Variants in RAB3GAP2 observed in about 807,000 individuals in gnomAD.
The protein encoded by RAB3GAP2 is RAB3 GTPase activating non-catalytic protein subunit 2.
A neutral mutation model predicts 185.3 loss-of-function variants in RAB3GAP2; 87 were observed. That is an observed-to-expected ratio of 0.47 (90% CI 0.39 to 0.56). The LOEUF (loss-of-function observed/expected upper bound fraction) is 0.56, where lower values mean the gene tolerates loss of function less well. Ranked by LOEUF, RAB3GAP2 falls within the 20% of genes least tolerant of loss-of-function variation. The probability of loss-of-function intolerance (pLI) is 0.00; values close to 1 mark genes in which losing one functional copy is unlikely to be tolerated. For missense variants in RAB3GAP2, 1,492 were observed against 1,638.2 expected, an observed-to-expected ratio of 0.91 and a Z score of 1.54; for synonymous variants, 554 against 576.1, an observed-to-expected ratio of 0.96 and a Z score of 0.55.
intron 1 of RAB3GAP2, among the ~76,000 whole-genome samples, chr1:220,258,552 ACT>A: frequency 6.6e-6 from 1 of 152,298 alleles, no homozygotes; most frequent in East Asian, 1.9e-4. Flanking sequence ...CATGTTAAAA[ACT>A]CTCAATAAAC....
At chr1:220,152,602 T>C (rs1382583904) in intron 33 of RAB3GAP2, among the ~76,000 whole-genome samples, 1 of 152,248 alleles carries the variant, frequency 6.6e-6, no homozygotes, top group Non-Finnish European at 1.5e-5. Flanking sequence ...AGTTTCTGAG[T>C]AGCTGGCTGC....
intron 2 of RAB3GAP2, among the ~76,000 whole-genome samples, chr1:220,225,720 C>G (rs915147457): frequency 6.6e-6 from 1 of 152,188 alleles, no homozygotes; most frequent in African/African-American, 2.4e-5. Context: ...TAATAAGAAA[C>G]AGCCTAATGA....
At chr1:220,242,650 A>G (rs539362488) in intron 1 of RAB3GAP2, among the ~76,000 whole-genome samples, 9 of 152,314 alleles carry the variant, frequency 5.9e-5, no homozygotes, top group African/African-American at 2.2e-4. Flanking sequence ...AGTTATAAGC[A>G]CTTCCTTGTA....
chr1:220,256,670 T>C (rs537103448), intron 1 of RAB3GAP2, among the ~76,000 whole-genome samples: 1 of 152,320 alleles, frequency 6.6e-6, no homozygotes, highest in Non-Finnish European at 1.5e-5. Flanking sequence ...CATTACATAA[T>C]GGTAAAGGGT....
At chr1:220,170,870 G>A (rs375771918) in intron 24 of RAB3GAP2, 22 bp downstream of exon 24, 114 of 1,578,040 alleles carry the variant, frequency 7.2e-5, no homozygotes, top group Non-Finnish European at 9.6e-6. Context: ...GGATGCAAAT[G>A]CTCAAATAAA....
chr1:220,162,374 T>C, intron 27 of RAB3GAP2, 106 bp from the exon 28 acceptor site: 1 of 747,506 alleles, frequency 1.3e-6, no homozygotes, highest in South Asian at 1.7e-5. Flanking sequence ...ACTATTTTGA[T>C]TTCATTTTTT....
intron 18 of RAB3GAP2, 95 bp from the exon 19 acceptor site, chr1:220,184,258 C>T (rs1006561657): frequency 2.5e-6 from 3 of 1,189,954 alleles, no homozygotes; most frequent in Non-Finnish European, 2.5e-6. Context: ...TTATGTAATT[C>T]CCTGATGCTC....
chr1:220,267,522 G>C (rs1660250709), intron 1 of RAB3GAP2: 1 of 1,397,934 alleles, frequency 7.2e-7, no homozygotes, highest in Admixed American at 1.7e-5. Flanking sequence ...CAATTTCAAG[G>C]TCTTCCAAAG....
intron 20 of RAB3GAP2, 155 bp downstream of exon 20, chr1:220,182,563 C>T (rs756087613): frequency 2.0e-5 from 25 of 1,219,738 alleles, no homozygotes; most frequent in Non-Finnish European, 2.7e-5. Context: ...AACCTGTTGA[C>T]CAGAGTATCT....
At chr1:220,164,618 T>G in intron 27 of RAB3GAP2, 115 bp downstream of exon 27, 2 of 1,436,896 alleles carry the variant, frequency 1.4e-6, no homozygotes, top group South Asian at 2.5e-5. Context: ...TATGTTAGGC[T>G]GCAGGATAAT....
Position 220,153,230 on chromosome 1 carries a change from A to G in RAB3GAP2, c.3822T>C (p.Tyr1274=). The G allele has an allele frequency of 1.2e-6, 2 of 1,614,136 alleles. No homozygotes were observed. The highest frequency in any genetic ancestry group is 8.5e-7 in the Non-Finnish European group (1 of 1,179,970). ...CTCCATAGTTGTATAGTTCCCCCACATAATGCCTTCTAACAACATCTTCAC... is the reference window on the plus strand; with the variant it reads ...CTCCATAGTTGTATAGTTCCCCCACGTAATGCCTTCTAACAACATCTTCAC... ...QVSEDVVRRH[Y]VGELYNYGVD... The change falls in exon 33 of 35, where the codon TAT becomes TAC. Residue 1274 remains tyrosine, a synonymous_variant. Coordinates refer to ENST00000358951, the MANE Select transcript of RAB3GAP2 (RefSeq NM_012414.4).
chr1:220,165,425 T>C (rs1461824851), intron 26 of RAB3GAP2, among the ~76,000 whole-genome samples: 3 of 152,088 alleles, frequency 2.0e-5, no homozygotes, highest in Non-Finnish European at 2.9e-5. Flanking sequence ...GAAGTTTACA[T>C]ATTAAAACTC....
At chr1:220,245,021 G>T (rs963122404) in intron 1 of RAB3GAP2, among the ~76,000 whole-genome samples, 1 of 151,924 alleles carries the variant, frequency 6.6e-6, no homozygotes, top group African/African-American at 2.4e-5. Context: ...ATAATCATCA[G>T]AGTAAACAGA....
At chr1:220,174,373 T>C (rs993312726) in intron 21 of RAB3GAP2, among the ~76,000 whole-genome samples, 8 of 152,166 alleles carry the variant, frequency 5.3e-5, no homozygotes, top group African/African-American at 1.7e-4. Context: ...CCTCATCCCA[T>C]ATAGACACCC....
intron 2 of RAB3GAP2, among the ~76,000 whole-genome samples, chr1:220,216,673 G>C (rs145845362): frequency 2.2e-3 from 334 of 152,198 alleles, no homozygotes; most frequent in African/African-American, 7.3e-3. Flanking sequence ...TCTTTGATTG[G>C]TCTCTGACTC....
intron 7 of RAB3GAP2, among the ~76,000 whole-genome samples, chr1:220,208,720 ATT>A (rs200653028): frequency 6.8e-6 from 1 of 146,700 alleles, no homozygotes; most frequent in Admixed American, 6.8e-5. Flanking sequence ...CTTCAAAACA[ATT>A]TTTTTTTTTT....
chr1:220,212,784 C>T (rs780148043), intron 4 of RAB3GAP2, 103 bp downstream of exon 4: 8 of 966,228 alleles, frequency 8.3e-6, no homozygotes, highest in African/African-American at 1.6e-5. Flanking sequence ...TGAACCACTG[C>T]ACCCAATCAA....
chr1:220,171,203 TG>T (rs1361567095), intron 23 of RAB3GAP2, 83 bp from the exon 24 acceptor site: 9 of 1,211,068 alleles, frequency 7.4e-6, no homozygotes, highest in African/African-American at 1.5e-5. Context: ...TGAAAGCTGA[TG>T]GATACTGAGG....
At chr1:220,254,392 G>C in intron 1 of RAB3GAP2, 1 of 1,612,914 alleles carries the variant, frequency 6.2e-7, no homozygotes, top group Non-Finnish European at 8.5e-7. Flanking sequence ...AGCAATGTTG[G>C]CCTATACACC....
Sources: gnomAD v4.1 joint callset for allele counts (sites outside exome capture counted in the v4.1 genomes callset) on GRCh38, gnomAD v4.1.1 for gene constraint, MANE v1.5 for transcripts, NCBI Gene and HGNC (gene_info 2026-07-23, HGNC 2026-07-21) for gene names.